TRPC4: variants seen among roughly 807,000 people sequenced by gnomAD.
TRPC4 encodes the protein transient receptor potential cation channel subfamily C member 4, also known as short transient receptor potential channel 4.
TRPC4 carries 49 observed loss-of-function variants against 99.4 expected under a neutral mutation model. The observed-to-expected ratio is 0.49, with a 90% CI of 0.39 to 0.63. The LOEUF (loss-of-function observed/expected upper bound fraction) is 0.63. Among genes scored for constraint, TRPC4 ranks in the 20% least tolerant of loss-of-function variants. The pLI, the probability that TRPC4 is intolerant of heterozygous loss-of-function variation, is 0.00. For synonymous variants in TRPC4, 454 were observed against 425.9 expected (o/e 1.07, Z -0.81); for missense variants, 898 against 1,152.9 (o/e 0.78, Z 3.20).
At chr13:37,811,598 G>A (rs1957688369) in intron 1 of TRPC4, among the ~76,000 whole-genome samples, 1 of 152,106 alleles carries the variant, frequency 6.6e-6, no homozygotes, top group Non-Finnish European at 1.5e-5. Flanking sequence ...GACATTCTTA[G>A]AATGTTCTCG....
chr13:37,682,314 A>C (rs536774421), intron 4 of TRPC4, among the ~76,000 whole-genome samples: 1 of 152,340 alleles, frequency 6.6e-6, no homozygotes, highest in East Asian at 1.9e-4. Flanking sequence ...AAGAACACAA[A>C]AATTTCCTCC....
intron 2 of TRPC4, among the ~76,000 whole-genome samples, chr13:37,765,332 A>G (rs1956335074): frequency 6.6e-6 from 1 of 151,424 alleles, no homozygotes; most frequent in Admixed American, 6.6e-5. Context: ...AATAGGCTAA[A>G]TATCTGCTTA....
chr13:37,768,472 A>G (rs1956451182), intron 2 of TRPC4, among the ~76,000 whole-genome samples: 1 of 151,316 alleles, frequency 6.6e-6, no homozygotes, highest in African/African-American at 2.4e-5. Flanking sequence ...TAAAGAAAAT[A>G]TCATACAGAT....
intron 2 of TRPC4, among the ~76,000 whole-genome samples, chr13:37,773,254 G>C (rs1448321555): frequency 6.6e-6 from 1 of 151,642 alleles, no homozygotes; most frequent in African/African-American, 2.4e-5. Context: ...GGCAAAATAA[G>C]AATAAAAGCC....
rs529439648 is a variant in TRPC4 at position 37,687,416 on chromosome 13, G to A, written c.1234+4583C>T. Among the ~76,000 whole-genome samples the A allele has an allele frequency of 8.5e-5, 13 of 152,254 alleles. No individual in the cohort carries two copies. In the South Asian group the frequency reaches 2.5e-3, roughly 29 times the overall value. ...GCAAAATTTGTTTGTTACAATCGGA[G>A]TTAGAATGAATTCTGAGGGAAAATT... On this transcript the variant is annotated intron_variant, in intron 4 of 10. Coordinates refer to ENST00000379705, the MANE Select transcript of TRPC4 (RefSeq NM_016179.4).
intron 3 of TRPC4, 136 bp downstream of exon 3, chr13:37,745,801 G>A (rs1955757305): frequency 2.1e-6 from 2 of 957,900 alleles, no homozygotes; most frequent in Non-Finnish European, 3.1e-6. Flanking sequence ...TATTAATCCG[G>A]TAGACAATAA....
chr13:37,759,966 G>A (rs1197325896), intron 2 of TRPC4, among the ~76,000 whole-genome samples: 1 of 151,964 alleles, frequency 6.6e-6, no homozygotes, highest in East Asian at 1.9e-4. Context: ...ACATATTCTT[G>A]TGTGAAATAT....
intron 1 of TRPC4, among the ~76,000 whole-genome samples, chr13:37,793,756 G>T (rs1957179010): frequency 6.6e-6 from 1 of 152,198 alleles, no homozygotes; most frequent in Non-Finnish European, 1.5e-5. Context: ...TGCAGTTAAG[G>T]AATTTCTTCA....
intron 1 of TRPC4, among the ~76,000 whole-genome samples, chr13:37,852,314 G>A (rs182626155): frequency 6.6e-6 from 1 of 152,254 alleles, no homozygotes; most frequent in Admixed American, 6.5e-5. Flanking sequence ...AGAGGGTACT[G>A]GGCAGAGGCA....
intron 2 of TRPC4, among the ~76,000 whole-genome samples, chr13:37,767,056 A>C (rs1240834807): frequency 6.6e-6 from 1 of 151,446 alleles, no homozygotes; most frequent in African/African-American, 2.4e-5. Context: ...TAAGATTTCT[A>C]CATTTTATGA....
At chr13:37,828,740 C>G (rs1326968061) in intron 1 of TRPC4, among the ~76,000 whole-genome samples, 2 of 152,128 alleles carry the variant, frequency 1.3e-5, no homozygotes, top group Non-Finnish European at 2.9e-5. Flanking sequence ...GAACAGAAAA[C>G]CAAATACCAC....
chr13:37,852,159 G>GA (rs1764728295), intron 1 of TRPC4, among the ~76,000 whole-genome samples: 1 of 152,190 alleles, frequency 6.6e-6, no homozygotes, highest in African/African-American at 2.4e-5. Flanking sequence ...GGCAGCTGAA[G>GA]AAGAGCTTAT....
intron 3 of TRPC4, among the ~76,000 whole-genome samples, chr13:37,739,099 A>G (rs1295258968): frequency 6.6e-6 from 1 of 152,216 alleles, no homozygotes; most frequent in Non-Finnish European, 1.5e-5. Context: ...ACAAATAATG[A>G]AAAGAAAAAC....
chr13:37,720,393 G>A (rs1954829246), intron 3 of TRPC4, among the ~76,000 whole-genome samples: 1 of 152,028 alleles, frequency 6.6e-6, no homozygotes, highest in Non-Finnish European at 1.5e-5. Context: ...TCCTAGTAAT[G>A]GGACGCCTAA....
At chr13:37,828,041 GCCGTCCGTCAC>G (rs1958299258) in intron 1 of TRPC4, among the ~76,000 whole-genome samples, 1 of 152,186 alleles carries the variant, frequency 6.6e-6, no homozygotes, top group South Asian at 2.1e-4. Flanking sequence ...TTTTCCAGGT[GCCGTCCGTCAC>G]CCCTTTCTTT....
At chr13:37,796,797 T>A (rs1416056731) in intron 1 of TRPC4, among the ~76,000 whole-genome samples, 1 of 151,468 alleles carries the variant, frequency 6.6e-6, no homozygotes. Context: ...CACTTGTGTC[T>A]AAAAAAGACT....
In TRPC4 at chr13:37,648,705, A is replaced by C. The variant is rs143153199; in HGVS notation, c.2079+2560T>G. The stretch of plus-strand genomic sequence containing the variant: ...TAGCAAATAAAACTGTTTAACTCTG[A>C]GAATGAATCACTACTTTAATAGAAA... On this transcript the variant is annotated intron_variant, in intron 8 of 10. Transcript: ENST00000379705. Among the ~76,000 whole-genome samples, 868 of 152,342 alleles carry C rather than the reference A, an allele frequency of 5.7e-3. 7 individuals carry two copies. The highest frequency in any genetic ancestry group is 0.019 in the African/African-American group (809 of 41,572).
chr13:37,645,991 A>G (rs1951851364), intron 8 of TRPC4, among the ~76,000 whole-genome samples: 1 of 152,268 alleles, frequency 6.6e-6, no homozygotes. Flanking sequence ...TATCTGTAAG[A>G]TTTGTCATTA....
intron 1 of TRPC4, among the ~76,000 whole-genome samples, chr13:37,868,551 TAC>T: frequency 1.3e-5 from 2 of 152,294 alleles, no homozygotes; most frequent in South Asian, 4.1e-4. Context: ...TGTGATTATG[TAC>T]TGTGAAAGGA....
Sources: allele counts gnomAD v4.1 joint callset (sites outside exome capture counted in the v4.1 genomes callset), GRCh38; gene constraint gnomAD v4.1.1; transcripts MANE v1.5; gene names NCBI Gene and HGNC (gene_info 2026-07-23, HGNC 2026-07-21).